Variants in HMGN5 observed in about 807,000 individuals in gnomAD.
HMGN5 encodes high mobility group nucleosome-binding domain-containing protein 5.
In HMGN5, 4 loss-of-function variants were observed where a neutral mutation model predicts 9.5. The observed-to-expected ratio is 0.42, with a 90% CI of 0.21 to 0.96. The LOEUF is 0.96. Ranked by LOEUF, HMGN5 falls within the 40% of genes least tolerant of loss-of-function variation. HMGN5 has a pLI of 0.30. For missense variants in HMGN5, 192 were observed against 187.5 expected (o/e 1.02, Z -0.14); for synonymous variants, 55 against 57.1 (o/e 0.96, Z 0.16).
At chrX:81,120,166 G>A (rs1487899905) in intron 2 of HMGN5, among the ~76,000 whole-genome samples, 1 of 111,975 alleles carries the variant, frequency 8.9e-6, no homozygotes, top group Non-Finnish European at 1.9e-5. Context: ...AAATGAAGGC[G>A]GAGCTTCATG....
rs1194125167 is a variant in HMGN5, at chrX:81,115,198, T to C, written c.300A>G (p.Val100=). ...APASEKEIVE[V]KEENIEDATE... ...TGGCATCTTCAATATTTTCTTCTTT[T>C]ACTTCCACAATTTCTTTTTCAGAAG... The change falls in exon 7 of 7, where the codon GTA becomes GTG. Residue 100 remains valine, a synonymous_variant. Transcript: ENST00000358130. The C allele has an allele frequency of 2.5e-6, 3 of 1,177,935 alleles. No homozygotes were observed. Among genetic ancestry groups the C allele is most frequent in the South Asian group, 4.0e-5 (2 of 50,237 alleles).
intron 1 of HMGN5, among the ~76,000 whole-genome samples, chrX:81,171,009 G>T (rs1272208277): frequency 1.8e-5 from 2 of 111,463 alleles, no homozygotes; most frequent in African/African-American, 6.5e-5. Context: ...ATTATAATAT[G>T]CTGCCTTCCA....
intron 5 of HMGN5, among the ~76,000 whole-genome samples, chrX:81,117,662 C>A (rs2075257772): frequency 9.0e-6 from 1 of 111,113 alleles, no homozygotes. Context: ...AAAAAACCTT[C>A]TTTTCTTTTG....
intron 1 of HMGN5, among the ~76,000 whole-genome samples, chrX:81,170,883 T>C (rs902037703): frequency 2.7e-5 from 3 of 110,811 alleles, no homozygotes; most frequent in African/African-American, 9.8e-5. Flanking sequence ...TGCCATTTTG[T>C]AGATGTTAAA....
At chrX:81,190,235 C>T (rs1246703006) in intron 1 of HMGN5, among the ~76,000 whole-genome samples, 4 of 111,945 alleles carry the variant, frequency 3.6e-5, no homozygotes, top group African/African-American at 9.7e-5. Flanking sequence ...CAGTCTCTGG[C>T]TTCTCTTTTT....
At position 81,121,662 on chromosome X, in the gene HMGN5, T is replaced by G; in HGVS notation, c.-113A>C. ...TCAATGAACTAACTGCAGCACGACC[T>G]GTACTCTCCTCTGGAAAAAAAAAAA... On this transcript the variant is annotated 5_prime_UTR_variant, in exon 2 of 7. Transcript: ENST00000358130. 2 of 488,867 alleles carry G rather than the reference T, an allele frequency of 4.1e-6. No individual in the cohort carries two copies. The highest frequency in any genetic ancestry group is 6.8e-6 in the Non-Finnish European group (2 of 296,242). The allele number at this position is 488,867 out of a possible 1,213,427, so 40.3% of individuals were successfully genotyped here. A position where few individuals can be genotyped will look rare whatever the true frequency, so the allele number is the denominator to read the frequency against.
intron 1 of HMGN5, among the ~76,000 whole-genome samples, chrX:81,181,803 G>A (rs2075463648): frequency 8.9e-6 from 1 of 112,150 alleles, no homozygotes. Context: ...TGACTGAATA[G>A]TAGTCAGTTG....
intron 4 of HMGN5, 82 bp downstream of exon 4, chrX:81,118,648 G>A (rs1244085243): frequency 1.3e-5 from 12 of 903,535 alleles, no homozygotes; most frequent in East Asian, 3.2e-5. Context: ...AAAATAAATC[G>A]TGTATTGAAT....
At chrX:81,148,749 A>G (rs1018873354) in intron 1 of HMGN5, among the ~76,000 whole-genome samples, 1 of 111,894 alleles carries the variant, frequency 8.9e-6, no homozygotes, top group Non-Finnish European at 1.9e-5. Flanking sequence ...AAGGGCTAAT[A>G]TCTAGAATCT....
chrX:81,194,015 C>G (rs928245420), intron 1 of HMGN5, among the ~76,000 whole-genome samples: 6 of 111,483 alleles, frequency 5.4e-5, no homozygotes, highest in African/African-American at 1.6e-4. Flanking sequence ...CAGAAACAGA[C>G]TCACGCATGT....
intron 1 of HMGN5, among the ~76,000 whole-genome samples, chrX:81,175,049 G>T (rs941187030): frequency 2.7e-5 from 3 of 111,942 alleles, no homozygotes; most frequent in South Asian, 3.7e-4. Context: ...ATAAAAGAGA[G>T]TTCAGAAGAC....
chrX:81,154,363 C>G (rs1162037095), intron 1 of HMGN5, among the ~76,000 whole-genome samples: 2 of 111,020 alleles, frequency 1.8e-5, no homozygotes, highest in Non-Finnish European at 3.8e-5. Context: ...AAAATCAAAT[C>G]AAAATGGATT....
chrX:81,179,839 T>G (rs2075455926), intron 1 of HMGN5, among the ~76,000 whole-genome samples: 1 of 111,742 alleles, frequency 8.9e-6, no homozygotes, highest in Non-Finnish European at 1.9e-5. Context: ...AGCATAGTAC[T>G]GGCACCAAAG....
At chrX:81,186,055 A>G (rs2075476447) in intron 1 of HMGN5, among the ~76,000 whole-genome samples, 1 of 111,859 alleles carries the variant, frequency 8.9e-6, no homozygotes, top group Non-Finnish European at 1.9e-5. Context: ...ATATTCAACA[A>G]AGATATTCAC....
At chrX:81,120,797 C>G (rs916495138) in intron 2 of HMGN5, among the ~76,000 whole-genome samples, 1 of 111,288 alleles carries the variant, frequency 9.0e-6, no homozygotes, top group East Asian at 2.8e-4. Flanking sequence ...ACCTGTGGAG[C>G]TCGAAAGGCT....
chrX:81,145,088 C>T (rs770228288), intron 1 of HMGN5, among the ~76,000 whole-genome samples: 16 of 111,824 alleles, frequency 1.4e-4, no homozygotes, highest in East Asian at 2.8e-4. Flanking sequence ...GGATATTATC[C>T]GGGAGAACTT....
intron 1 of HMGN5, among the ~76,000 whole-genome samples, chrX:81,182,737 A>C (rs1442181906): frequency 8.9e-6 from 1 of 112,128 alleles, no homozygotes; most frequent in Admixed American, 9.5e-5. Flanking sequence ...ATTAAACCTC[A>C]TTGCTTTATA....
intron 1 of HMGN5, among the ~76,000 whole-genome samples, chrX:81,158,372 G>A (rs750268913): frequency 3.6e-5 from 4 of 111,911 alleles, no homozygotes; most frequent in Admixed American, 1.9e-4. Context: ...TCTGACTGGC[G>A]TGAGATGGTA....
At chrX:81,132,385 A>G (rs747835499) in intron 1 of HMGN5, among the ~76,000 whole-genome samples, 1 of 111,798 alleles carries the variant, frequency 8.9e-6, no homozygotes, top group Non-Finnish European at 1.9e-5. Flanking sequence ...TATGGAACCA[A>G]AAAACACCCA....
Sources: allele counts gnomAD v4.1 joint callset (sites outside exome capture counted in the v4.1 genomes callset), GRCh38; gene constraint gnomAD v4.1.1; transcripts MANE v1.5; gene names NCBI Gene and HGNC (gene_info 2026-07-23, HGNC 2026-07-21).